DOCK5: variants seen among roughly 807,000 people sequenced by gnomAD.
DOCK5 encodes the protein dedicator of cytokinesis protein 5.
A neutral mutation model predicts 251.8 loss-of-function variants in DOCK5; 142 were observed. The observed-to-expected ratio is 0.56, with a 90% CI of 0.49 to 0.65. The LOEUF (loss-of-function observed/expected upper bound fraction) is 0.65. Among genes scored for constraint, DOCK5 ranks in the 30% least tolerant of loss-of-function variants. The probability of loss-of-function intolerance (pLI) is 0.00; values close to 1 mark genes in which losing one functional copy is unlikely to be tolerated. For missense variants in DOCK5, 2,111 were observed against 2,312.3 expected (o/e 0.91, Z 1.79); for synonymous variants, 842 against 835.5 (o/e 1.01, Z -0.13).
Position 25,280,191 on chromosome 8 carries a change from T to C in DOCK5, c.321+1526T>C, listed in dbSNP as rs114111784. On this transcript the variant is annotated intron_variant, in intron 5 of 51. Transcript: ENST00000276440. ...TGACCAGAAATTCCTATGGCGAATG[T>C]ATATTCTCTCGTTAGATGTGTGTAC... is the stretch of plus-strand genomic sequence containing the variant. 4.3e-3 allele frequency among the ~76,000 whole-genome samples: 656 copies of C among 152,350 alleles called. 10 individuals carry two copies. Among genetic ancestry groups the C allele is most frequent in the African/African-American group, 0.015 (634 of 41,590 alleles).
chr8:25,298,729 T>TA (rs1197092367), intron 7 of DOCK5, among the ~76,000 whole-genome samples: 1 of 151,738 alleles, frequency 6.6e-6, no homozygotes, highest in African/African-American at 2.4e-5. Flanking sequence ...CACAGCTAAT[T>TA]AAAAAAAAAT....
At chr8:25,247,600 GA>G (rs908695577) in intron 2 of DOCK5, among the ~76,000 whole-genome samples, 12 of 145,638 alleles carry the variant, frequency 8.2e-5, no homozygotes, top group South Asian at 2.2e-4. Context: ...GTCTCAAAAA[GA>G]AAAAAAAAAG....
chr8:25,283,392 AGTCACTT>A (rs1804251771), intron 5 of DOCK5, among the ~76,000 whole-genome samples: 1 of 152,136 alleles, frequency 6.6e-6, no homozygotes, highest in African/African-American at 2.4e-5. Context: ...GCCTTGGGCA[AGTCACTT>A]GAACACTTCA....
At position 25,402,874 on chromosome 8, in the gene DOCK5, T is replaced by C. The variant is rs185410435; in HGVS notation, c.4927-684T>C. Reference sequence around the variant, plus strand: ...CTTCAGTACAGTTTCCTCCAGGGTATCTTTTTGAGCGTGTCTTTCAGCCAT... The same window carrying C: ...CTTCAGTACAGTTTCCTCCAGGGTACCTTTTTGAGCGTGTCTTTCAGCCAT... On this transcript the variant is annotated intron_variant, in intron 47 of 51. Coordinates refer to ENST00000276440, the MANE Select transcript of DOCK5 (RefSeq NM_024940.8). 4.8e-4 allele frequency among the ~76,000 whole-genome samples: 73 copies of C among 152,318 alleles called. 1 individual carries two copies. Among genetic ancestry groups the C allele is most frequent in the Admixed American group, 4.3e-3 (66 of 15,298 alleles).
chr8:25,199,528 C>T (rs1801829017), intron 1 of DOCK5, among the ~76,000 whole-genome samples: 1 of 152,068 alleles, frequency 6.6e-6, no homozygotes, highest in Non-Finnish European at 1.5e-5. Context: ...GGATTATAAG[C>T]ATTTGCCACC....
intron 28 of DOCK5, among the ~76,000 whole-genome samples, chr8:25,362,559 T>G (rs1360383867): frequency 6.8e-6 from 1 of 147,816 alleles, no homozygotes; most frequent in African/African-American, 2.5e-5. Context: ...CTCTGCCTCC[T>G]GGGTTCAAGC....
At chr8:25,374,449 C>A in intron 36 of DOCK5, 115 bp from the exon 37 acceptor site, 1 of 968,124 alleles carries the variant, frequency 1.0e-6, no homozygotes, top group Non-Finnish European at 1.5e-6. Flanking sequence ...GAGCCATGAT[C>A]GGACCACTGC....
chr8:25,303,424 ATGT>A (rs1804819539), intron 10 of DOCK5, among the ~76,000 whole-genome samples: 2 of 152,260 alleles, frequency 1.3e-5, no homozygotes, highest in African/African-American at 4.8e-5. Context: ...TTCGAAGACA[ATGT>A]TGTGTTTGTT....
At chr8:25,400,134 T>C (rs1327303701) in intron 46 of DOCK5, 140 bp downstream of exon 46, 3 of 663,558 alleles carry the variant, frequency 4.5e-6, no homozygotes, top group East Asian at 5.5e-5. Context: ...CACCTATCTA[T>C]GTATTTGTTT....
At chr8:25,407,774 G>A (rs77087078) in intron 48 of DOCK5, among the ~76,000 whole-genome samples, 28,016 of 150,478 alleles carry the variant, frequency 0.19, 2,924 homozygotes, top group East Asian at 0.31. Context: ...GTACACACCT[G>A]TAGTCCCAGC....
intron 51 of DOCK5, among the ~76,000 whole-genome samples, 189 bp from the exon 52 acceptor site, chr8:25,411,001 ACGCG>A (rs1162526374): frequency 2.5e-4 from 25 of 100,734 alleles, no homozygotes; most frequent in Non-Finnish European, 3.7e-4. Flanking sequence ...GCACGCACGC[ACGCG>A]TGTGTCTGAT....
At chr8:25,373,826 C>G (rs749986893) in intron 36 of DOCK5, among the ~76,000 whole-genome samples, 168 bp downstream of exon 36, 1 of 152,132 alleles carries the variant, frequency 6.6e-6, no homozygotes, top group Non-Finnish European at 1.5e-5. Flanking sequence ...TAGACAGATA[C>G]ATGAATAAGT....
At position 25,393,945 on chromosome 8, in the gene DOCK5, G is replaced by A. The variant is rs189525231; in HGVS notation, c.4527+1063G>A. 5.4e-3 allele frequency among the ~76,000 whole-genome samples: 817 copies of A among 152,314 alleles called. 30 individuals are homozygous for A. The highest frequency in any genetic ancestry group is 0.047 in the Admixed American group (712 of 15,298). On this transcript the variant is annotated intron_variant, in intron 44 of 51. Transcript: ENST00000276440. Reference sequence around the variant, plus strand: ...TGAAGTTTGATGTGTTATAAGTCATGGCTAGGTACAGTGGCTCATGCCTGT... The same window carrying A: ...TGAAGTTTGATGTGTTATAAGTCATAGCTAGGTACAGTGGCTCATGCCTGT...
intron 1 of DOCK5, among the ~76,000 whole-genome samples, chr8:25,202,626 C>T (rs879899307): frequency 6.6e-6 from 1 of 152,128 alleles, no homozygotes; most frequent in Non-Finnish European, 1.5e-5. Context: ...ACAGTAGTCC[C>T]GCCTTATCCT....
At chr8:25,373,589 G>T in intron 35 of DOCK5, 29 bp from the exon 36 acceptor site, 7 of 1,558,548 alleles carry the variant, frequency 4.5e-6, no homozygotes, top group South Asian at 1.2e-5. Context: ...TTTATGTTGG[G>T]ATTCTGTGAT....
intron 1 of DOCK5, among the ~76,000 whole-genome samples, chr8:25,199,043 A>T (rs1777246975): frequency 6.6e-6 from 1 of 152,186 alleles, no homozygotes. Flanking sequence ...TGTGGGTTGC[A>T]CGGTTTGGCC....
intron 6 of DOCK5, among the ~76,000 whole-genome samples, chr8:25,295,054 C>T (rs1804583913): frequency 6.6e-6 from 1 of 152,182 alleles, no homozygotes; most frequent in Non-Finnish European, 1.5e-5. Flanking sequence ...TAGATCCAAA[C>T]CATATCAAGA....
At chr8:25,278,467 C>T in intron 4 of DOCK5, 102 bp from the exon 5 acceptor site, 1 of 1,142,588 alleles carries the variant, frequency 8.8e-7, no homozygotes, top group Non-Finnish European at 1.3e-6. Context: ...CAGGCCTAAC[C>T]AGCTTCATTC....
intron 48 of DOCK5, among the ~76,000 whole-genome samples, chr8:25,406,659 G>A (rs912018440): frequency 1.3e-5 from 2 of 151,870 alleles, no homozygotes; most frequent in African/African-American, 2.4e-5. Context: ...ACAGAGTCTC[G>A]TTGTGTCGCC....
Sources: allele counts gnomAD v4.1 joint callset (sites outside exome capture counted in the v4.1 genomes callset), GRCh38; gene constraint gnomAD v4.1.1; transcripts MANE v1.5; gene names NCBI Gene and HGNC (gene_info 2026-07-23, HGNC 2026-07-21).